Variants in TOPAZ1 observed in about 807,000 individuals in gnomAD.
The protein encoded by TOPAZ1 is protein TOPAZ1.
TOPAZ1 carries 66 observed loss-of-function variants against 172.2 expected under a neutral mutation model. The observed-to-expected ratio is 0.38, with a 90% CI of 0.31 to 0.47. The LOEUF is 0.47. Among genes scored for constraint, TOPAZ1 ranks in the 20% least tolerant of loss-of-function variants. The pLI is 0.99. For missense variants in TOPAZ1, 1,822 were observed against 1,972.4 expected, an observed-to-expected ratio of 0.92 and a Z score of 1.44; for synonymous variants, 681 against 683.9, an observed-to-expected ratio of 1.00 and a Z score of 0.07.
downstream of TOPAZ1, among the ~76,000 whole-genome samples, chr3:44,332,804 T>G (rs1559552089): frequency 6.6e-6 from 1 of 151,986 alleles, no homozygotes; most frequent in East Asian, 1.9e-4. Context: ...GAAAGTTTTT[T>G]TTTTTTTTTT....
downstream of TOPAZ1, among the ~76,000 whole-genome samples, chr3:44,334,276 G>A (rs1410422175): frequency 1.3e-5 from 2 of 152,014 alleles, no homozygotes; most frequent in Non-Finnish European, 2.9e-5. Flanking sequence ...TGACCCTTTC[G>A]AATCCCCCAT....
At chr3:44,260,457 C>T (rs1420840510) in intron 4 of TOPAZ1, among the ~76,000 whole-genome samples, 1 of 152,026 alleles carries the variant, frequency 6.6e-6, no homozygotes, top group Non-Finnish European at 1.5e-5. Flanking sequence ...TTACAAGTCA[C>T]ATTTAGAGAA....
Position 44,243,858 on chromosome 3 carries a change from G to T in TOPAZ1, c.1352G>T (p.Ser451Ile). The T allele has an allele frequency of 6.4e-7, 1 of 1,551,814 alleles. No individual in the cohort carries two copies. The highest frequency in any genetic ancestry group is 8.7e-7 in the Non-Finnish European group (1 of 1,146,988). ...AAAGAGGATTTTAAATCGATGAAAA[G>T]CTTCATAGGGAAATCACCTAATGAG... is the stretch of plus-strand genomic sequence containing the variant. ...ASKEDFKSMK[S>I]FIGKSPNEYH... is the part of the protein sequence containing the mutation. The change falls in exon 2 of 20, where the codon AGC becomes ATC. Residue 451 changes from serine to isoleucine, a missense_variant. Around this residue, in one of 2 missense-constraint regions of TOPAZ1, gnomAD observed 1,489 missense variants for 1,490.8 expected, o/e 1.00. Coordinates refer to ENST00000309765, the MANE Select transcript of TOPAZ1 (RefSeq NM_001145030.2).
rs546883406 is a variant in TOPAZ1 at position 44,242,419 on chromosome 3, C to T, written c.346+20C>T. On this transcript the variant is annotated intron_variant, in intron 1 of 19. Coordinates refer to ENST00000309765, the MANE Select transcript of TOPAZ1 (RefSeq NM_001145030.2). ...GACACAGTAAGAAAGCATCCACGAT[C>T]ACTTACCTTTAGCCCTTGTACCTCA... 1 of 1,550,956 alleles carries T rather than the reference C, an allele frequency of 6.4e-7. No individual in the cohort carries two copies. Among genetic ancestry groups the T allele is most frequent in the South Asian group, 1.2e-5 (1 of 83,984 alleles).
At chr3:44,289,585 G>T (rs534387292) in intron 11 of TOPAZ1, among the ~76,000 whole-genome samples, 1 of 152,244 alleles carries the variant, frequency 6.6e-6, no homozygotes, top group Non-Finnish European at 1.5e-5. Context: ...CACTAAATTT[G>T]AGACAATTTT....
intron 12 of TOPAZ1, among the ~76,000 whole-genome samples, chr3:44,303,288 A>G (rs1204104497): frequency 6.6e-6 from 1 of 152,158 alleles, no homozygotes; most frequent in Non-Finnish European, 1.5e-5. Flanking sequence ...GTATTACATA[A>G]TACTAGTTCA....
chr3:44,283,948 T>C (rs1170476533), intron 9 of TOPAZ1, among the ~76,000 whole-genome samples: 2 of 152,224 alleles, frequency 1.3e-5, no homozygotes, highest in African/African-American at 4.8e-5. Flanking sequence ...ATTATTTATA[T>C]TCAAATTTTG....
chr3:44,243,778 G>T lies in TOPAZ1; in HGVS notation c.1272G>T (p.Leu424Phe). 1 of 1,551,686 alleles carries T rather than the reference G, an allele frequency of 6.4e-7. No individual in the cohort carries two copies. The highest frequency in any genetic ancestry group is 8.7e-7 in the Non-Finnish European group (1 of 1,146,970). ...AVFQKTIEPL[L>F]KEETENASEP... ...TTCAGAAAACCATTGAACCACTTTTGAAAGAAGAAACAGAGAATGCTTCAG... is the reference window on the plus strand; with the variant it reads ...TTCAGAAAACCATTGAACCACTTTTTAAAGAAGAAACAGAGAATGCTTCAG... The change falls in exon 2 of 20, where the codon TTG becomes TTT. Residue 424 changes from leucine (L) to phenylalanine (F), a missense_variant. By Grantham distance (22) the Leu-to-Phe change is conservative. Coordinates refer to ENST00000309765, the MANE Select transcript of TOPAZ1 (RefSeq NM_001145030.2).
intron 18 of TOPAZ1, among the ~76,000 whole-genome samples, chr3:44,324,051 C>T (rs767359195): frequency 6.6e-6 from 1 of 152,186 alleles, no homozygotes; most frequent in Non-Finnish European, 1.5e-5. Context: ...GCCACTACTA[C>T]CTGAGCTGGA....
chr3:44,262,529 T>A, intron 5 of TOPAZ1, 46 bp downstream of exon 5: 2 of 1,001,486 alleles, frequency 2.0e-6, no homozygotes, highest in Non-Finnish European at 3.0e-6. Context: ...TAGTCACTCA[T>A]CTAATTTATA....
chr3:44,262,391 T>A, intron 4 of TOPAZ1, 28 bp from the exon 5 acceptor site: 2 of 1,276,888 alleles, frequency 1.6e-6, no homozygotes, highest in Non-Finnish European at 2.2e-6. Flanking sequence ...CCTTCACTTG[T>A]ACTTATTTAA....
chr3:44,256,524 T>C (rs1366329797), intron 4 of TOPAZ1, among the ~76,000 whole-genome samples: 4 of 152,196 alleles, frequency 2.6e-5, no homozygotes. Flanking sequence ...TTTTAGTATC[T>C]GAAGTTTGTC....
intron 18 of TOPAZ1, among the ~76,000 whole-genome samples, chr3:44,324,826 A>T (rs997413912): frequency 5.9e-5 from 9 of 152,178 alleles, no homozygotes; most frequent in African/African-American, 2.2e-4. Flanking sequence ...CCTCCAAATC[A>T]ATTCAGCCCT....
chr3:44,250,800 A>G (rs184289624), intron 2 of TOPAZ1, among the ~76,000 whole-genome samples: 1 of 151,916 alleles, frequency 6.6e-6, no homozygotes, highest in African/African-American at 2.4e-5. Flanking sequence ...CATTATTCTG[A>G]TTTTTTTTCT....
At chr3:44,304,821 A>G (rs1424774625) in intron 13 of TOPAZ1, among the ~76,000 whole-genome samples, 3 of 152,234 alleles carry the variant, frequency 2.0e-5, no homozygotes, top group East Asian at 1.9e-4. Flanking sequence ...TATGCTGCTC[A>G]TCATGTTTTC....
chr3:44,290,046 G>T (rs754772930), intron 11 of TOPAZ1, among the ~76,000 whole-genome samples: 1 of 152,062 alleles, frequency 6.6e-6, no homozygotes, highest in Non-Finnish European at 1.5e-5. Context: ...GGTATTGGAG[G>T]ACCTAGTCAT....
chr3:44,323,072 T>C lies in TOPAZ1; in HGVS notation c.4472-20T>C, dbSNP rs1225885729. On this transcript the variant is annotated intron_variant, in intron 17 of 19. Coordinates refer to ENST00000309765, the MANE Select transcript of TOPAZ1 (RefSeq NM_001145030.2). ...ACTTTAATATAAATGAATTTTATTA[T>C]ATCATTTTTTTTATTCCAGAAACTG... is the stretch of plus-strand genomic sequence containing the variant. 11 of 1,453,334 alleles carry C rather than the reference T, an allele frequency of 7.6e-6. No individual in the cohort carries two copies. The highest frequency in any genetic ancestry group is 1.4e-5 in the South Asian group (1 of 74,032). 90.0% of individuals were successfully genotyped at this position (1,453,334 alleles called of 1,614,324 possible). A position where few individuals can be genotyped will look rare whatever the true frequency, so the allele number is the denominator to read the frequency against.
Position 44,331,812 on chromosome 3 carries a change from G to A in TOPAZ1, c.4880G>A (p.Arg1627Gln), listed in dbSNP as rs777786124. 59 of 1,551,794 alleles carry A rather than the reference G, an allele frequency of 3.8e-5. No individual in the cohort carries two copies. The highest frequency in any genetic ancestry group is 4.1e-5 in the Non-Finnish European group (47 of 1,146,988). Residue 1627 changes from arginine (R) to glutamine (Q), a missense_variant, in exon 20 of 20, where the codon CGG becomes CAG. Arg to Gln is a conservative substitution (Grantham distance 43). Transcript: ENST00000309765. ...VLKRCEDNQS[R>Q]SNDDYQAAVE... Reference sequence around the variant, plus strand: ...TATAGGTGTGAAGACAACCAGTCTCGGAGCAATGATGATTATCAAGCTGCA... The same window carrying A: ...TATAGGTGTGAAGACAACCAGTCTCAGAGCAATGATGATTATCAAGCTGCA...
At chr3:44,249,015 A>T (rs1699598303) in intron 2 of TOPAZ1, among the ~76,000 whole-genome samples, 2 of 152,202 alleles carry the variant, frequency 1.3e-5, no homozygotes, top group African/African-American at 4.8e-5. Flanking sequence ...ACTTGAACTG[A>T]TGTGCTTGGA....
Sources: allele counts gnomAD v4.1 joint callset (sites outside exome capture counted in the v4.1 genomes callset), GRCh38; gene constraint gnomAD v4.1.1; regional missense constraint gnomAD v4.1.1; transcripts MANE v1.5; gene names NCBI Gene and HGNC (gene_info 2026-07-23, HGNC 2026-07-21).